Variants in DIAPH3 observed in about 807,000 individuals in gnomAD.
DIAPH3 encodes protein diaphanous homolog 3.
A neutral mutation model predicts 144.3 loss-of-function variants in DIAPH3; 117 were observed. That is an observed-to-expected ratio of 0.81 (90% CI 0.70 to 0.95). DIAPH3 has a LOEUF of 0.95. Among genes scored for constraint, DIAPH3 ranks in the 40% least tolerant of loss-of-function variants. The probability of loss-of-function intolerance (pLI) is 0.00; values close to 1 mark genes in which losing one functional copy is unlikely to be tolerated. For synonymous variants in DIAPH3, 519 were observed against 488.9 expected (o/e 1.06, Z -0.81); for missense variants, 1,421 against 1,412.7 (o/e 1.01, Z -0.09).
chr13:59,797,509 C>T (rs918049942), intron 25 of DIAPH3, among the ~76,000 whole-genome samples: 6 of 152,106 alleles, frequency 3.9e-5, no homozygotes, highest in African/African-American at 1.4e-4. Flanking sequence ...CACACAGGAG[C>T]CTTGGGAATG....
chr13:59,811,736 C>CAAAAAAA (rs59712985), intron 24 of DIAPH3, among the ~76,000 whole-genome samples: 1 of 56,760 alleles, frequency 1.8e-5, no homozygotes, highest in Non-Finnish European at 3.6e-5. Context: ...GACTCTGTCT[C>CAAAAAAA]AAAAAAAAAA....
chr13:60,013,577 T>C (rs2053428456), intron 7 of DIAPH3, among the ~76,000 whole-genome samples: 2 of 152,232 alleles, frequency 1.3e-5, no homozygotes, highest in Non-Finnish European at 2.9e-5. Flanking sequence ...AAAATTCTCT[T>C]CCATTTAAAA....
chr13:59,706,569 T>C (rs1007891693), intron 27 of DIAPH3, among the ~76,000 whole-genome samples: 2 of 152,230 alleles, frequency 1.3e-5, no homozygotes, highest in African/African-American at 4.8e-5. Flanking sequence ...TTGCTTAATG[T>C]ATACTTTGTA....
intron 22 of DIAPH3, among the ~76,000 whole-genome samples, chr13:59,851,412 G>C (rs2042961635): frequency 6.6e-6 from 1 of 151,980 alleles, no homozygotes; most frequent in African/African-American, 2.4e-5. Flanking sequence ...TTCTCTACAG[G>C]ACCTTTTCTG....
intron 4 of DIAPH3, among the ~76,000 whole-genome samples, chr13:60,044,965 C>T (rs1273437299): frequency 6.6e-6 from 1 of 152,178 alleles, no homozygotes; most frequent in Admixed American, 6.5e-5. Flanking sequence ...TGTGACTTTG[C>T]TCTTCCTTTG....
At chr13:59,701,217 T>G (rs1483575021) in intron 27 of DIAPH3, among the ~76,000 whole-genome samples, 1 of 152,222 alleles carries the variant, frequency 6.6e-6, no homozygotes, top group East Asian at 1.9e-4. Flanking sequence ...TCATAGATAC[T>G]GAATGTTCGC....
chr13:59,896,244 T>C (rs528394141), intron 20 of DIAPH3, among the ~76,000 whole-genome samples: 8 of 152,314 alleles, frequency 5.3e-5, no homozygotes, highest in African/African-American at 1.9e-4. Context: ...TACATGTATA[T>C]AAACATACTT....
chr13:60,116,806 C>T (rs1462251851), intron 2 of DIAPH3, among the ~76,000 whole-genome samples: 3 of 151,948 alleles, frequency 2.0e-5, no homozygotes, highest in Admixed American at 2.0e-4. Flanking sequence ...TCACCAAAAA[C>T]CAAAACTTTT....
At chr13:59,696,155 T>C (rs2033789789) in intron 27 of DIAPH3, 1 of 152,224 alleles carries the variant, frequency 6.6e-6, no homozygotes, top group Non-Finnish European at 1.5e-5. Flanking sequence ...CATGGTTCCG[T>C]TGATCTTATG....
At chr13:60,052,959 TAAAAAAAAAA>T (rs559991017) in intron 4 of DIAPH3, among the ~76,000 whole-genome samples, 1 of 40,660 alleles carries the variant, frequency 2.5e-5, no homozygotes, top group Non-Finnish European at 4.0e-5. Context: ...GACTCCCTCT[TAAAAAAAAAA>T]AAAAAAAAAA....
At chr13:59,900,345 T>A (rs1180817884) in intron 20 of DIAPH3, among the ~76,000 whole-genome samples, 1 of 152,202 alleles carries the variant, frequency 6.6e-6, no homozygotes, top group African/African-American at 2.4e-5. Context: ...AAAGTTTTTT[T>A]TCTTTCACTG....
intron 25 of DIAPH3, among the ~76,000 whole-genome samples, chr13:59,798,369 GC>G (rs2039722519): frequency 6.6e-6 from 1 of 152,116 alleles, no homozygotes; most frequent in African/African-American, 2.4e-5. Context: ...TCAAAGCATA[GC>G]ATGGTTTCTT....
At chr13:59,727,195 TGGTCAAATCCAGGCTAC>T (rs1816939561) in intron 27 of DIAPH3, among the ~76,000 whole-genome samples, 1 of 152,170 alleles carries the variant, frequency 6.6e-6, no homozygotes, top group Non-Finnish European at 1.5e-5. Flanking sequence ...CAACAGCTGG[TGGTCAAATCCAGGCTAC>T]AGTTCCTTAG....
rs56205887 is a variant in DIAPH3, at chr13:59,692,137, CTTTTTTT to C, written c.3320-25298_3320-25292del. Among the ~76,000 whole-genome samples the C allele has an allele frequency of 7.1e-3, 414 of 58,214 alleles. 1 individual carries two copies. Among genetic ancestry groups the C allele is most frequent in the African/African-American group, 9.7e-3 (157 of 16,176 alleles). 38.2% of individuals were successfully genotyped at this position (58,214 alleles called of 152,430 possible). On this transcript the variant is annotated intron_variant, in intron 27 of 27. Coordinates refer to ENST00000400324, the MANE Select transcript of DIAPH3 (RefSeq NM_001042517.2). ...AGATTACTCATAGCTTTGAGAAATTCTTTTTTTTTTTTTTTTTTTTTTTTTTTAGAAA... is the reference window on the plus strand; with the variant it reads ...AGATTACTCATAGCTTTGAGAAATTCTTTTTTTTTTTTTTTTTTTTAGAAA...
chr13:59,763,336 A>G (rs1436844178), intron 27 of DIAPH3, among the ~76,000 whole-genome samples: 1 of 151,634 alleles, frequency 6.6e-6, no homozygotes, highest in East Asian at 1.9e-4. Flanking sequence ...ATATGTGTGT[A>G]CACACACACA....
intron 5 of DIAPH3, among the ~76,000 whole-genome samples, chr13:60,037,241 A>G (rs956146047): frequency 6.6e-6 from 1 of 152,072 alleles, no homozygotes; most frequent in African/African-American, 2.4e-5. Flanking sequence ...AGGAATCTTA[A>G]TAATATACTT....
chr13:60,148,576 G>A (rs1428716753), intron 1 of DIAPH3, among the ~76,000 whole-genome samples: 2 of 152,130 alleles, frequency 1.3e-5, no homozygotes, highest in African/African-American at 4.8e-5. Flanking sequence ...AAAGTAAAAA[G>A]AGAAAATCAA....
At chr13:60,114,642 GACACACACACACAC>G (rs34572381) in intron 2 of DIAPH3, among the ~76,000 whole-genome samples, 2 of 148,108 alleles carry the variant, frequency 1.4e-5, no homozygotes, top group South Asian at 2.2e-4. Flanking sequence ...GAATACAAAA[GACACACACACACAC>G]ACACACACAC....
At chr13:60,131,435 CAAAAAAAAAA>C (rs777909368) in intron 2 of DIAPH3, among the ~76,000 whole-genome samples, 1 of 29,306 alleles carries the variant, frequency 3.4e-5, no homozygotes, top group East Asian at 1.1e-3. Context: ...GACCCTGTCT[CAAAAAAAAAA>C]AAAAAAAAAA....
Sources: allele counts gnomAD v4.1 joint callset (sites outside exome capture counted in the v4.1 genomes callset), GRCh38; gene constraint gnomAD v4.1.1; transcripts MANE v1.5; gene names NCBI Gene and HGNC (gene_info 2026-07-23, HGNC 2026-07-21).